Variants in SPMIP7 observed in about 807,000 individuals in gnomAD.
The protein encoded by SPMIP7 is protein SPMIP7.
the SPMIP7 span, chr7:50,141,283 G>A: frequency 6.5e-7 from 1 of 1,542,464 alleles, no homozygotes; most frequent in Non-Finnish European, 8.8e-7. Flanking sequence ...TCTAACAGTG[G>A]TCATGTGCAG....
chr7:50,136,147 C>G, the SPMIP7 span: 1 of 1,550,680 alleles, frequency 6.4e-7, no homozygotes, highest in East Asian at 2.4e-5. Context: ...TTCTTGGCAC[C>G]AGTCAAACCA....
chr7:50,130,131 T>C, the SPMIP7 span, among the ~76,000 whole-genome samples: 1 of 152,162 alleles, frequency 6.6e-6, no homozygotes, highest in Non-Finnish European at 1.5e-5. Context: ...CTATTACGAA[T>C]CTATGTTTTA....
At chr7:50,141,222 G>T in the SPMIP7 span, 3 of 1,167,882 alleles carry the variant, frequency 2.6e-6, no homozygotes, top group Non-Finnish European at 2.5e-6. Flanking sequence ...ACTGTTCAAT[G>T]GTTTCTTCTA....
the SPMIP7 span, among the ~76,000 whole-genome samples, chr7:50,128,682 T>C: frequency 3.3e-5 from 5 of 152,072 alleles, no homozygotes; most frequent in African/African-American, 9.6e-5. Context: ...GATAAAGCAA[T>C]GCAAAAATTA....
At chr7:50,100,317 C>A in the SPMIP7 span, among the ~76,000 whole-genome samples, 3 of 152,208 alleles carry the variant, frequency 2.0e-5, no homozygotes, top group African/African-American at 7.2e-5. Flanking sequence ...GTGACTAACT[C>A]AAATCTCCAT....
the SPMIP7 span, among the ~76,000 whole-genome samples, chr7:50,124,015 A>T: frequency 6.6e-6 from 1 of 152,168 alleles, no homozygotes; most frequent in Non-Finnish European, 1.5e-5. Context: ...TTATATAAAG[A>T]TACAAATCCA....
At chr7:50,129,007 C>T in the SPMIP7 span, among the ~76,000 whole-genome samples, 1 of 151,930 alleles carries the variant, frequency 6.6e-6, no homozygotes, top group African/African-American at 2.4e-5. Flanking sequence ...AACAATACAT[C>T]CTCGAAGTCA....
At chr7:50,113,655 C>T in the SPMIP7 span, among the ~76,000 whole-genome samples, 586 of 151,666 alleles carry the variant, frequency 3.9e-3, 7 homozygotes, top group African/African-American at 0.014. Flanking sequence ...GAAAATAAAG[C>T]TTCAAAATAA....
At chr7:50,147,050 CT>C in the SPMIP7 span, among the ~76,000 whole-genome samples, 1 of 152,244 alleles carries the variant, frequency 6.6e-6, no homozygotes, top group African/African-American at 2.4e-5. Context: ...TCACACCCCC[CT>C]CCCTTATGTC....
At chr7:50,129,757 AT>A in the SPMIP7 span, 1 of 1,549,306 alleles carries the variant, frequency 6.5e-7, no homozygotes, top group South Asian at 1.2e-5. Context: ...AAGAAATGTA[AT>A]GCAAAGGACT....
At chr7:50,104,535 T>C in the SPMIP7 span, 83 of 281,652 alleles carry the variant, frequency 2.9e-4, no homozygotes, top group Non-Finnish European at 4.3e-4. Flanking sequence ...ACAGCTACTA[T>C]GTATATAGTT....
At chr7:50,117,469 A>G in the SPMIP7 span, 2 of 258,148 alleles carry the variant, frequency 7.7e-6, no homozygotes, top group Non-Finnish European at 1.6e-5. Flanking sequence ...ATTTGTCAGC[A>G]AATAGATTAA....
At chr7:50,102,958 A>C in the SPMIP7 span, among the ~76,000 whole-genome samples, 115,415 of 147,672 alleles carry the variant, frequency 0.78, 45,180 homozygotes, top group East Asian at 0.88. Flanking sequence ...AAGTATATAC[A>C]TTACTTATAT....
chr7:50,141,623 A>T, the SPMIP7 span: 2 of 402,858 alleles, frequency 5.0e-6, no homozygotes, highest in South Asian at 7.6e-5. Context: ...TCTTCATCTG[A>T]AACTTGTGAG....
chr7:50,102,153 G>A, the SPMIP7 span, among the ~76,000 whole-genome samples: 2 of 152,072 alleles, frequency 1.3e-5, no homozygotes, highest in African/African-American at 2.4e-5. Context: ...GTGAAACCCC[G>A]TCTCTACTAA....
the SPMIP7 span, among the ~76,000 whole-genome samples, chr7:50,106,873 G>C: frequency 2.6e-5 from 4 of 152,312 alleles, no homozygotes; most frequent in Admixed American, 2.0e-4. Context: ...GGAGGCCAAG[G>C]CAGGATCACT....
the SPMIP7 span, among the ~76,000 whole-genome samples, chr7:50,115,817 A>G: frequency 6.6e-6 from 1 of 152,214 alleles, no homozygotes; most frequent in Non-Finnish European, 1.5e-5. Context: ...AAAAGGATTG[A>G]CATTATCCTT....
chr7:50,117,892 C>A, the SPMIP7 span, among the ~76,000 whole-genome samples: 7 of 152,176 alleles, frequency 4.6e-5, no homozygotes, highest in African/African-American at 1.7e-4. Flanking sequence ...AAGAGGGGGA[C>A]CCCCCATTAA....
the SPMIP7 span, among the ~76,000 whole-genome samples, chr7:50,145,866 A>G: frequency 6.6e-6 from 1 of 151,200 alleles, no homozygotes; most frequent in Admixed American, 6.6e-5. Flanking sequence ...ATGAGGTACC[A>G]TCCTCCACTA....
Sources: allele counts gnomAD v4.1 joint callset (sites outside exome capture counted in the v4.1 genomes callset), GRCh38; gene constraint gnomAD v4.1.1; transcripts MANE v1.5; gene names NCBI Gene and HGNC (gene_info 2026-07-23, HGNC 2026-07-21).